The following TMEM131 variants were observed in gnomAD, a reference collection of about 807,000 sequenced individuals.
TMEM131 encodes the protein transmembrane protein 131, also known as 2610524E03Rik.
In TMEM131, 66 loss-of-function variants were observed where a neutral mutation model predicts 211.6. The observed-to-expected ratio is 0.31, with a 90% CI of 0.26 to 0.38. The LOEUF (loss-of-function observed/expected upper bound fraction) is 0.38. TMEM131 is among the 10% of genes least tolerant of loss of function. The pLI, the probability that TMEM131 is intolerant of heterozygous loss-of-function variation, is 1.00. For missense variants in TMEM131, 2,036 were observed against 2,299.3 expected, an observed-to-expected ratio of 0.89 and a Z score of 2.34; for synonymous variants, 844 against 841.3, an observed-to-expected ratio of 1.00 and a Z score of -0.06.
chr2:97,931,692 A>T (rs987490535), intron 1 of TMEM131, among the ~76,000 whole-genome samples: 1 of 152,208 alleles, frequency 6.6e-6, no homozygotes. Flanking sequence ...CACCCACAAA[A>T]GGAGAAGGCT....
chr2:97,845,578 G>A (rs1683386627), intron 5 of TMEM131, among the ~76,000 whole-genome samples: 2 of 152,076 alleles, frequency 1.3e-5, no homozygotes, highest in South Asian at 4.1e-4. Context: ...GTAGGCTGCA[G>A]GTAAAGCAAT....
At chr2:97,842,305 T>G (rs1306882743) in intron 6 of TMEM131, among the ~76,000 whole-genome samples, 2 of 152,206 alleles carry the variant, frequency 1.3e-5, no homozygotes, top group East Asian at 3.8e-4. Flanking sequence ...CCCCAGGTCA[T>G]TCCCACATGG....
At chr2:97,952,879 C>T (rs1252339560) in intron 1 of TMEM131, among the ~76,000 whole-genome samples, 1 of 152,042 alleles carries the variant, frequency 6.6e-6, no homozygotes, top group Non-Finnish European at 1.5e-5. Flanking sequence ...GAAACCCTGT[C>T]TCATTAAAAC....
At chr2:97,883,494 CATTT>C (rs1463809164) in intron 4 of TMEM131, among the ~76,000 whole-genome samples, 4 of 152,140 alleles carry the variant, frequency 2.6e-5, no homozygotes, top group Non-Finnish European at 5.9e-5. Flanking sequence ...TGAGAAATCC[CATTT>C]ATTTCCTCAC....
chr2:97,763,356 CCTG>C lies in TMEM131; in HGVS notation c.4724-1159_4724-1157del, dbSNP rs1217041706. On this transcript the variant is annotated intron_variant, in intron 35 of 40. Transcript: ENST00000186436. ...CTCCACTCCGCCATCCTCAGGGCTG[CCTG>C]CTACCTTCTCTCTCACCTTCCCCAG... 3.3e-5 allele frequency: 5 copies of C among 153,088 alleles called. No homozygotes were observed. The East Asian group carries it at 9.6e-4, about 29-fold the overall frequency. The allele number at this position is 153,088 out of a possible 1,614,324, so 9.5% of individuals were successfully genotyped here.
rs776192939 is a variant in TMEM131 at position 97,995,561 on chromosome 2, G to T, written c.102C>A (p.Gly34=). The change falls in exon 1 of 41, where the codon GGC becomes GGA. Residue 34 remains glycine, a synonymous_variant. Transcript: ENST00000186436. The part of the protein sequence containing the change: ...GLEPAAARSG[G]PRSAAAGLLG... The stretch of plus-strand genomic sequence containing the variant: ...GGAGGCCGGCGGCCGCGCTCCGCGG[G>T]CCCCCGCTACGGGCGGCCGCAGGTT... The T allele has an allele frequency of 1.2e-5, 16 of 1,317,758 alleles. No individual in the cohort carries two copies. Among genetic ancestry groups the T allele is most frequent in the South Asian group, 2.1e-5 (1 of 46,978 alleles). The allele number at this position is 1,317,758 out of a possible 1,614,324, so 81.6% of individuals were successfully genotyped here. A position where few individuals can be genotyped will look rare whatever the true frequency, so the allele number is the denominator to read the frequency against.
chr2:97,784,123 C>T (rs1680140377), intron 31 of TMEM131, among the ~76,000 whole-genome samples: 1 of 151,738 alleles, frequency 6.6e-6, no homozygotes, highest in Non-Finnish European at 1.5e-5. Context: ...AAGAGAAATC[C>T]ACAATTACAT....
At chr2:97,873,006 G>A (rs997749960) in intron 4 of TMEM131, among the ~76,000 whole-genome samples, 2 of 152,198 alleles carry the variant, frequency 1.3e-5, no homozygotes, top group Non-Finnish European at 1.5e-5. Context: ...TGAAGTTCTC[G>A]CTGCCAGCAC....
At chr2:97,988,634 A>G (rs563255945) in intron 1 of TMEM131, among the ~76,000 whole-genome samples, 1 of 152,344 alleles carries the variant, frequency 6.6e-6, no homozygotes, top group East Asian at 1.9e-4. Flanking sequence ...ATTTCTCCAA[A>G]GGAGATATAC....
chr2:97,995,545 C>G lies in TMEM131; in HGVS notation c.118G>C (p.Ala40Pro). ...ARSGGPRSAA[A>P]GLLGALHLVM... ...AGGTGCAGCGCGCCTAGGAGGCCGG[C>G]GGCCGCGCTCCGCGGGCCCCCGCTA... Residue 40 changes from alanine (A) to proline (P), a missense_variant, in exon 1 of 41, where the codon GCC (alanine) becomes CCC (proline). Ala to Pro is a conservative substitution (Grantham distance 27). Coordinates refer to ENST00000186436, the MANE Select transcript of TMEM131 (RefSeq NM_015348.2). The G allele has an allele frequency of 7.5e-7, 1 of 1,336,574 alleles. No individual in the cohort carries two copies. 82.8% of individuals were successfully genotyped at this position (1,336,574 alleles called of 1,614,324 possible).
chr2:97,776,057 G>A (rs373821686), intron 31 of TMEM131, 39 bp from the exon 32 acceptor site: 7 of 1,577,148 alleles, frequency 4.4e-6, no homozygotes, highest in Non-Finnish European at 6.0e-6. Flanking sequence ...TCTTGTTTTT[G>A]TTTCTTTTTT....
At chr2:97,837,308 T>A (rs1483463450) in intron 7 of TMEM131, among the ~76,000 whole-genome samples, 151 bp from the exon 8 acceptor site, 3 of 152,228 alleles carry the variant, frequency 2.0e-5, no homozygotes, top group Non-Finnish European at 4.4e-5. Flanking sequence ...ATCACTAAAT[T>A]CAGTGCTCTG....
intron 30 of TMEM131, chr2:97,793,194 T>C: frequency 1.5e-6 from 1 of 651,234 alleles, no homozygotes; most frequent in Non-Finnish European, 2.5e-6. Flanking sequence ...AAAAGTATTT[T>C]AACCCTTACC....
chr2:97,955,625 A>T (rs141118322), intron 1 of TMEM131, among the ~76,000 whole-genome samples: 291 of 152,326 alleles, frequency 1.9e-3, no homozygotes, highest in Middle Eastern at 6.8e-3. Flanking sequence ...AACACACAAA[A>T]ATCAATAACA....
intron 31 of TMEM131, among the ~76,000 whole-genome samples, chr2:97,785,026 G>A (rs1005917837): frequency 6.6e-6 from 1 of 152,002 alleles, no homozygotes; most frequent in African/African-American, 2.4e-5. Flanking sequence ...TGAAATGATG[G>A]ACCACTTGAT....
At position 97,796,854 on chromosome 2, in the gene TMEM131, A is replaced by G. The variant is rs374415824; in HGVS notation, c.3003T>C (p.Asp1001=). 5.0e-6 allele frequency: 8 copies of G among 1,613,638 alleles called. No individual in the cohort carries two copies. In the African/African-American group the frequency reaches 8.0e-5, roughly 16 times the overall value. ...GTTAGGAAGACTTACTATCTGTACA[A>G]TCTTTTAACAATGCTTCCGTGATTT... ...RFKITEALLK[D]CTDSLKLREP... is the part of the protein sequence containing the mutation. Residue 1001 remains aspartate (D), a synonymous_variant, in exon 27 of 41, where the codon GAT becomes GAC. Transcript: ENST00000186436.
intron 33 of TMEM131, among the ~76,000 whole-genome samples, chr2:97,771,445 C>A (rs1409153978): frequency 6.6e-6 from 1 of 152,094 alleles, no homozygotes; most frequent in Non-Finnish European, 1.5e-5. Context: ...TAAGAATAGA[C>A]CTTCCACAAA....
Position 97,943,091 on chromosome 2 carries a change from A to AAGAAAGAAAGAG in TMEM131, c.188-15616_188-15605dup, listed in dbSNP as rs1165881600. ...AAAGAAAGAAAGAAAGAAAGAAAGA[A>AAGAAAGAAAGAG]AGAAAGAAAGAGCTGGGTGTGGTGG... On this transcript the variant is annotated intron_variant, in intron 1 of 40. Coordinates refer to ENST00000186436, the MANE Select transcript of TMEM131 (RefSeq NM_015348.2). Among the ~76,000 whole-genome samples the AAGAAAGAAAGAG allele has an allele frequency of 4.8e-5, 7 of 146,038 alleles. No individual in the cohort carries two copies. In the South Asian group the frequency reaches 1.3e-3, roughly 27 times the overall value.
intron 4 of TMEM131, among the ~76,000 whole-genome samples, chr2:97,879,602 T>A (rs1193731895): frequency 6.6e-6 from 1 of 152,180 alleles, no homozygotes; most frequent in Non-Finnish European, 1.5e-5. Flanking sequence ...CCACACGGAT[T>A]TTCTTCCGCC....
Sources: gnomAD v4.1 joint callset for allele counts (sites outside exome capture counted in the v4.1 genomes callset) on GRCh38, gnomAD v4.1.1 for gene constraint, MANE v1.5 for transcripts, NCBI Gene and HGNC (gene_info 2026-07-23, HGNC 2026-07-21) for gene names.